Variants in RIMBP2 observed in about 807,000 individuals in gnomAD.
RIMBP2 encodes RIMS-binding protein 2.
Under a neutral mutation model 118.6 loss-of-function variants are expected in RIMBP2, and 48 were observed. The observed-to-expected ratio is 0.40, with a 90% CI of 0.32 to 0.51. The LOEUF is 0.51. Ranked by LOEUF, RIMBP2 falls within the 20% of genes least tolerant of loss-of-function variation. RIMBP2 has a pLI of 0.41. For missense variants in RIMBP2, 1,551 were observed against 1,768.3 expected, an observed-to-expected ratio of 0.88 and a Z score of 2.20; for synonymous variants, 762 against 742.9, an observed-to-expected ratio of 1.03 and a Z score of -0.42.
chr12:130,641,373 G>A (rs565861747), intron 1 of RIMBP2, among the ~76,000 whole-genome samples: 10 of 146,842 alleles, frequency 6.8e-5, no homozygotes, highest in African/African-American at 1.6e-4. Flanking sequence ...CCGGCTTCAC[G>A]GGCTGGATTT....
rs1280225548 is a variant in RIMBP2, at chr12:130,623,381, G to A, written c.-217+4941C>T. On this transcript the variant is annotated intron_variant, in intron 2 of 22. Transcript: ENST00000690449. The surrounding 1 kb of genome is among the most constrained non-coding windows in gnomAD (Gnocchi z 4.1). Reference sequence around the variant, plus strand: ...TAGGTTTTAAGCCCCACAAGTATTAGGTATTTGCCCTAATGCTCCCCCTCC... The same window carrying A: ...TAGGTTTTAAGCCCCACAAGTATTAAGTATTTGCCCTAATGCTCCCCCTCC... Among the ~76,000 whole-genome samples the A allele has an allele frequency of 3.3e-5, 5 of 152,082 alleles. No homozygotes were observed. Among genetic ancestry groups the A allele is most frequent in the African/African-American group, 4.8e-5 (2 of 41,392 alleles).
chr12:130,406,209 G>T lies in RIMBP2; in HGVS notation c.3728C>A (p.Thr1243Lys). Residue 1243 changes from threonine to lysine, a missense_variant, in exon 21 of 23, where the codon ACA becomes AAA. By Grantham distance (78) the Thr-to-Lys change is moderately conservative. Coordinates refer to ENST00000690449, the MANE Select transcript of RIMBP2 (RefSeq NM_001393629.1). ...ATCTTCATCAATTTCACCAAAAACT[G>T]TAATAATATCTCCTGTGCAAAATGT... ...ELTFCTGDII[T>K]VFGEIDEDGF... 6.2e-7 allele frequency: 1 copy of T among 1,603,370 alleles called. No homozygotes were observed. Among genetic ancestry groups the T allele is most frequent in the Non-Finnish European group, 8.5e-7 (1 of 1,172,250 alleles).
chr12:130,676,901 C>G (rs1302094784), intron 1 of RIMBP2, among the ~76,000 whole-genome samples: 1 of 152,052 alleles, frequency 6.6e-6, no homozygotes, highest in Non-Finnish European at 1.5e-5. Context: ...GGAGGGAACC[C>G]TTAGGGGTGA....
At chr12:130,563,561 G>A (rs968622490) in intron 2 of RIMBP2, among the ~76,000 whole-genome samples, 19 of 152,194 alleles carry the variant, frequency 1.2e-4, no homozygotes, top group African/African-American at 4.6e-4. Flanking sequence ...GACTATACTG[G>A]GAGCTTTCAT....
At chr12:130,530,551 A>G (rs2053261027) in intron 2 of RIMBP2, among the ~76,000 whole-genome samples, 1 of 152,198 alleles carries the variant, frequency 6.6e-6, no homozygotes, top group Non-Finnish European at 1.5e-5. Context: ...AAGGGTTTTT[A>G]CCTATTGACT....
chr12:130,590,187 C>G (rs1008635631), intron 2 of RIMBP2, among the ~76,000 whole-genome samples: 1 of 152,160 alleles, frequency 6.6e-6, no homozygotes, highest in Non-Finnish European at 1.5e-5. Context: ...GCCAAGCGGT[C>G]TCCCCAATGA....
intron 21 of RIMBP2, among the ~76,000 whole-genome samples, chr12:130,403,379 A>G (rs1448838525): frequency 2.0e-5 from 3 of 152,240 alleles, no homozygotes; most frequent in Non-Finnish European, 4.4e-5. Flanking sequence ...AGGGAAGACT[A>G]TTCAAGAAAC....
intron 2 of RIMBP2, among the ~76,000 whole-genome samples, chr12:130,573,420 G>A (rs1357788917): frequency 6.6e-6 from 1 of 151,470 alleles, no homozygotes; most frequent in African/African-American, 2.4e-5. Flanking sequence ...GTGCGTGTGA[G>A]TGTGTGCGTG....
chr12:130,646,838 ACT>A (rs1306536073), intron 1 of RIMBP2, among the ~76,000 whole-genome samples: 2 of 152,170 alleles, frequency 1.3e-5, no homozygotes. Flanking sequence ...AGCAGTTCAG[ACT>A]CTGCAGCCAC....
intron 3 of RIMBP2, among the ~76,000 whole-genome samples, chr12:130,514,176 C>A (rs1004949514): frequency 2.0e-5 from 3 of 152,250 alleles, no homozygotes. Flanking sequence ...CCCCTGCTGC[C>A]TCTCTCAAAG....
chr12:130,468,591 G>C (rs2080720258), intron 6 of RIMBP2, among the ~76,000 whole-genome samples: 1 of 152,168 alleles, frequency 6.6e-6, no homozygotes, highest in South Asian at 2.1e-4. Flanking sequence ...GAATAGCAAG[G>C]GGGTGGTCTT....
chr12:130,438,340 CCCCA>C, intron 12 of RIMBP2, 21 bp downstream of exon 12: 32 of 1,107,094 alleles, frequency 2.9e-5, no homozygotes, highest in Middle Eastern at 2.1e-4. Flanking sequence ...AACAAACCCT[CCCCA>C]CCCACCCAAC....
Position 130,450,267 on chromosome 12 carries a change from C to T in RIMBP2, c.514G>A (p.Glu172Lys), listed in dbSNP as rs1476202046. 1 of 1,607,030 alleles carries T rather than the reference C, an allele frequency of 6.2e-7. No individual in the cohort carries two copies. Among genetic ancestry groups the T allele is most frequent in the Admixed American group, 1.7e-5 (1 of 59,490 alleles). Residue 172 changes from glutamate to lysine, a missense_variant, in exon 9 of 23, where the codon GAA becomes AAA. By Grantham distance (56) the Glu-to-Lys change is moderately conservative. Transcript: ENST00000690449. The surrounding 1 kb of genome is among the most constrained non-coding windows in gnomAD (Gnocchi z 4.8). ...RCRSESDMENERNSNTSKQRY... is the reference protein window; with the variant it reads ...RCRSESDMENKRNSNTSKQRY... ...TGCTTGGAGGTATTGGAATTCCGTT[C>T]ATTCTCCATCTGTGAAAAAGGCAAT...
At chr12:130,598,274 G>A (rs145723102) in intron 2 of RIMBP2, among the ~76,000 whole-genome samples, 14 of 152,214 alleles carry the variant, frequency 9.2e-5, no homozygotes, top group South Asian at 4.1e-4. Flanking sequence ...TTTGTGGATC[G>A]GAAGAATCTA....
At position 130,422,104 on chromosome 12, in the gene RIMBP2, C is replaced by T. The variant is rs1296557239; in HGVS notation, c.3238+349G>A. On this transcript the variant is annotated intron_variant, in intron 17 of 22. Coordinates refer to ENST00000690449, the MANE Select transcript of RIMBP2 (RefSeq NM_001393629.1). This position sits in a 1 kb window ranked among gnomAD's most constrained non-coding sequence, Gnocchi z 5.2. ...CAGACCCCTGAGGCACGCTGACATCCAGCTTCTGCACCTGCCATGGACTGT... is the reference window on the plus strand; with the variant it reads ...CAGACCCCTGAGGCACGCTGACATCTAGCTTCTGCACCTGCCATGGACTGT... 2.0e-5 allele frequency among the ~76,000 whole-genome samples: 3 copies of T among 152,164 alleles called. No homozygotes were observed. The highest frequency in any genetic ancestry group is 4.4e-5 in the Non-Finnish European group (3 of 68,032).
At chr12:130,564,011 CCTATACAA>C (rs2057020234) in intron 2 of RIMBP2, among the ~76,000 whole-genome samples, 1 of 150,856 alleles carries the variant, frequency 6.6e-6, no homozygotes, top group Non-Finnish European at 1.5e-5. Context: ...CCCTGCTGTT[CCTATACAA>C]GTCAGGCAGT....
intron 21 of RIMBP2, among the ~76,000 whole-genome samples, chr12:130,402,175 CTT>C (rs2074664744): frequency 6.6e-6 from 1 of 152,116 alleles, no homozygotes; most frequent in South Asian, 2.1e-4. Context: ...GACGACGGGA[CTT>C]GCTCGCGGTG....
In RIMBP2 at chr12:130,502,008, C is replaced by T. The variant is rs2049835791; in HGVS notation, c.-4+4640G>A. Reference sequence around the variant, plus strand: ...CAACGGAATTCGAGAAGTGCCTTGCCCCATTCAAGCCTGGGCCTTATGAGG... The same window carrying T: ...CAACGGAATTCGAGAAGTGCCTTGCTCCATTCAAGCCTGGGCCTTATGAGG... On this transcript the variant is annotated intron_variant, in intron 4 of 22. Coordinates refer to ENST00000690449, the MANE Select transcript of RIMBP2 (RefSeq NM_001393629.1). Among the ~76,000 whole-genome samples, 2 of 152,226 alleles carry T rather than the reference C, an allele frequency of 1.3e-5. 1 individual carries two copies. Among genetic ancestry groups the T allele is most frequent in the South Asian group, 4.1e-4 (2 of 4,836 alleles).
chr12:130,449,460 C>A (rs1056530225), intron 9 of RIMBP2, among the ~76,000 whole-genome samples: 1 of 152,188 alleles, frequency 6.6e-6, no homozygotes, highest in Non-Finnish European at 1.5e-5. Flanking sequence ...GCCCACTCAG[C>A]GGCTGTCATC....
Sources: allele counts gnomAD v4.1 joint callset (sites outside exome capture counted in the v4.1 genomes callset), GRCh38; gene constraint gnomAD v4.1.1; non-coding constraint Gnocchi (gnomAD v3.1); transcripts MANE v1.5; gene names NCBI Gene and HGNC (gene_info 2026-07-23, HGNC 2026-07-21).